ANK3: variants seen among roughly 807,000 people sequenced by gnomAD.
The protein encoded by ANK3 is ankyrin-3.
A neutral mutation model predicts 370.9 loss-of-function variants in ANK3; 57 were observed. That is an observed-to-expected ratio of 0.15 (90% confidence interval 0.12 to 0.19). ANK3 has a LOEUF of 0.19. Among genes scored for constraint, ANK3 ranks in the 10% least tolerant of loss-of-function variants. The pLI, the probability that ANK3 is intolerant of heterozygous loss-of-function variation, is 1.00. For missense variants in ANK3, 4,439 were observed against 5,302.1 expected (o/e 0.84, Z 5.06); for synonymous variants, 1,929 against 1,946.3 (o/e 0.99, Z 0.23).
chr10:60,323,432 C>T (rs2049106720), intron 1 of ANK3, among the ~76,000 whole-genome samples: 1 of 152,022 alleles, frequency 6.6e-6, no homozygotes, highest in Admixed American at 6.6e-5. Context: ...GGAAGTCAGG[C>T]CAAAATGCAT....
intron 36 of ANK3, among the ~76,000 whole-genome samples, chr10:60,077,838 T>C (rs536357166): frequency 1.3e-5 from 2 of 152,304 alleles, no homozygotes; most frequent in African/African-American, 2.4e-5. Flanking sequence ...ATGGGACTTA[T>C]GGATATCACA....
intron 2 of ANK3, among the ~76,000 whole-genome samples, chr10:60,408,496 C>G (rs548047447): frequency 6.6e-6 from 1 of 152,066 alleles, no homozygotes; most frequent in Non-Finnish European, 1.5e-5. Context: ...TGAAAGCTCC[C>G]GGAGGCCTCC....
chr10:60,110,695 A>T (rs927202181), intron 26 of ANK3, among the ~76,000 whole-genome samples: 2 of 152,214 alleles, frequency 1.3e-5, no homozygotes, highest in Non-Finnish European at 2.9e-5. Flanking sequence ...CTTTTATTCA[A>T]TAATGAAGGC....
intron 2 of ANK3, among the ~76,000 whole-genome samples, chr10:60,583,849 G>T (rs913608907): frequency 3.3e-5 from 5 of 152,046 alleles, no homozygotes; most frequent in African/African-American, 9.7e-5. Context: ...CTCCCAAAGT[G>T]CTGACATTAC....
intron 2 of ANK3, among the ~76,000 whole-genome samples, chr10:60,598,249 T>TATC (rs762850259): frequency 1.1e-4 from 17 of 152,250 alleles, no homozygotes; most frequent in Non-Finnish European, 2.4e-4. Flanking sequence ...ATACACAGTG[T>TATC]ATCAACAACA....
intron 1 of ANK3, among the ~76,000 whole-genome samples, chr10:60,627,052 C>G (rs10761529): frequency 0.68 from 103,943 of 151,832 alleles, 35,676 homozygotes; most frequent in South Asian, 0.83. Flanking sequence ...AGAGAAGCAA[C>G]GGACTGAAGA....
intron 1 of ANK3, among the ~76,000 whole-genome samples, chr10:60,615,992 A>C (rs919233596): frequency 5.3e-5 from 8 of 152,202 alleles, no homozygotes; most frequent in Admixed American, 2.0e-4. Flanking sequence ...AAATACGTAG[A>C]ATGTAAAGAA....
At chr10:60,591,720 A>G (rs1025484063) in intron 2 of ANK3, among the ~76,000 whole-genome samples, 1 of 152,210 alleles carries the variant, frequency 6.6e-6, no homozygotes, top group African/African-American at 2.4e-5. Context: ...TGATACATAT[A>G]CACAATGGAG....
intron 2 of ANK3, among the ~76,000 whole-genome samples, chr10:60,415,853 C>T (rs1053517871): frequency 2.1e-5 from 3 of 145,896 alleles, no homozygotes; most frequent in Admixed American, 7.1e-5. Context: ...AGTACACTTA[C>T]ATATGGCATT....
intron 2 of ANK3, among the ~76,000 whole-genome samples, chr10:60,426,850 C>T (rs962178495): frequency 6.6e-6 from 1 of 152,022 alleles, no homozygotes; most frequent in African/African-American, 2.4e-5. Context: ...GGGAATAGAT[C>T]CTATGAAAAA....
chr10:60,457,890 T>G (rs183590425), intron 2 of ANK3, among the ~76,000 whole-genome samples: 8 of 151,976 alleles, frequency 5.3e-5, no homozygotes, highest in African/African-American at 1.9e-4. Flanking sequence ...TGTAGTAGAG[T>G]AGAGAGAAGA....
In ANK3 at chr10:60,515,555, A is replaced by G. The variant is rs146616912; in HGVS notation, c.96+99631T>C. Among the ~76,000 whole-genome samples, 31 of 152,274 alleles carry G rather than the reference A, an allele frequency of 2.0e-4. No homozygotes were observed. The East Asian group carries it at 4.6e-3, about 23-fold the overall frequency. On this transcript the variant is annotated intron_variant, in intron 2 of 43. Coordinates refer to the ANK3 transcript ENST00000373827. ...ATAAAGGGCTTTAATGTAATTATAAATCATTATTAAAATATATGTGCCTGG... is the reference window on the plus strand; with the variant it reads ...ATAAAGGGCTTTAATGTAATTATAAGTCATTATTAAAATATATGTGCCTGG...
chr10:60,643,197 G>T lies in ANK3; in HGVS notation c.58-27973C>A, dbSNP rs142028598. Among the ~76,000 whole-genome samples the T allele has an allele frequency of 5.6e-4, 85 of 152,222 alleles. 1 individual carries two copies. The highest frequency in any genetic ancestry group is 2.0e-3 in the African/African-American group (84 of 41,550). On this transcript the variant is annotated intron_variant, in intron 1 of 43. Coordinates refer to the ANK3 transcript ENST00000373827. ...TCCTGGGTGTGTCTGTGAGGGTGTT[G>T]CCAAAGGAGAATAACATTTGAGTCA... is the stretch of plus-strand genomic sequence containing the variant.
At chr10:60,533,827 T>A (rs1400999300) in intron 2 of ANK3, among the ~76,000 whole-genome samples, 3 of 152,174 alleles carry the variant, frequency 2.0e-5, no homozygotes, top group African/African-American at 7.2e-5. Context: ...AACAAAGACT[T>A]AATTTAAGAA....
At chr10:60,321,342 G>A (rs574408639) in intron 1 of ANK3, among the ~76,000 whole-genome samples, 38 of 150,632 alleles carry the variant, frequency 2.5e-4, no homozygotes, top group African/African-American at 8.5e-4. Context: ...GAGACATGCA[G>A]TAAGACCCTA....
chr10:60,094,917 T>C (rs968939356), intron 28 of ANK3, among the ~76,000 whole-genome samples: 2 of 152,230 alleles, frequency 1.3e-5, no homozygotes, highest in African/African-American at 4.8e-5. Flanking sequence ...TCCCTGTTTC[T>C]TGCTTTTAAA....
rs1257215124 is a variant in ANK3, at chr10:60,069,218, T to C, written c.11663A>G (p.Lys3888Arg). The change falls in exon 37 of 44, where the codon AAA (lysine) becomes AGA (arginine). Residue 3888 changes from lysine to arginine, a missense_variant. By Grantham distance (26) the Lys-to-Arg change is conservative (BLOSUM62 2). Coordinates refer to ENST00000280772, the MANE Select transcript of ANK3 (RefSeq NM_020987.5). ...CTCGGATTGACTAACCTGCTTCATT[T>C]TACTTGCTTTAGTGTTTGACATATG... ...PNHMSNTKAS[K>R]MKQVSQSEKT... The C allele has an allele frequency of 6.2e-7, 1 of 1,614,094 alleles. No individual in the cohort carries two copies. Among genetic ancestry groups the C allele is most frequent in the Non-Finnish European group, 8.5e-7 (1 of 1,180,026 alleles).
At chr10:60,224,897 T>C (rs937326567) in intron 8 of ANK3, among the ~76,000 whole-genome samples, 2 of 151,500 alleles carry the variant, frequency 1.3e-5, no homozygotes, top group Admixed American at 6.6e-5. Flanking sequence ...TTTCTTTTCT[T>C]TTTTTCTTTT....
chr10:60,437,457 G>A (rs1418055517), intron 2 of ANK3, among the ~76,000 whole-genome samples: 1 of 152,202 alleles, frequency 6.6e-6, no homozygotes, highest in Non-Finnish European at 1.5e-5. Flanking sequence ...TGCTGCAGGG[G>A]CCAGGGACCC....
Sources: allele counts gnomAD v4.1 joint callset (sites outside exome capture counted in the v4.1 genomes callset), GRCh38; gene constraint gnomAD v4.1.1; transcripts MANE v1.5; gene names NCBI Gene and HGNC (gene_info 2026-07-23, HGNC 2026-07-21).